ATP11A: variants seen among roughly 807,000 people sequenced by gnomAD.
ATP11A encodes the protein phospholipid-transporting ATPase IH.
Under a neutral mutation model 154.4 loss-of-function variants are expected in ATP11A, and 81 were observed. The observed-to-expected ratio is 0.52, with a 90% CI of 0.44 to 0.63. The LOEUF is 0.63. Among genes scored for constraint, ATP11A ranks in the 30% least tolerant of loss-of-function variants. ATP11A has a pLI of 0.00. For synonymous variants in ATP11A, 623 were observed against 585.9 expected (o/e 1.06, Z -0.91); for missense variants, 1,316 against 1,474.3 (o/e 0.89, Z 1.76).
intron 1 of ATP11A, among the ~76,000 whole-genome samples, chr13:112,775,552 G>T (rs552786649): frequency 1.3e-5 from 2 of 152,118 alleles, no homozygotes; most frequent in African/African-American, 4.8e-5. Flanking sequence ...AGAAGGAGGC[G>T]AATACTTTCA....
chr13:112,878,786 G>A (rs1480900168), intron 29 of ATP11A, among the ~76,000 whole-genome samples: 1 of 152,260 alleles, frequency 6.6e-6, no homozygotes, highest in African/African-American at 2.4e-5. Flanking sequence ...ACTGAGGGCA[G>A]CTAGGATAAC....
chr13:112,810,790 C>T (rs988931011), intron 5 of ATP11A, 64 bp downstream of exon 5: 30 of 1,491,016 alleles, frequency 2.0e-5, no homozygotes, highest in Non-Finnish European at 2.5e-5. Flanking sequence ...ATAAGTTTTA[C>T]CCAGGTGCAG....
At position 112,746,105 on chromosome 13, in the gene ATP11A, C is replaced by T. The variant is rs966735942; in HGVS notation, c.40-39030C>T. 1 of 149,776 alleles carries T rather than the reference C, an allele frequency of 6.7e-6. No homozygotes were observed. Among genetic ancestry groups the T allele is most frequent in the Non-Finnish European group, 1.5e-5 (1 of 68,050 alleles). 9.3% of individuals were successfully genotyped at this position (149,776 alleles called of 1,614,324 possible). ...TCACCTGTGATGGACTCTTGGGCGT[C>T]TGCCGTAGGCCGCTGTGAATGCTGG... On this transcript the variant is annotated intron_variant, in intron 1 of 29. Coordinates refer to ENST00000375645, the MANE Select transcript of ATP11A (RefSeq NM_015205.3). This position sits in a 1 kb window ranked among gnomAD's most constrained non-coding sequence, Gnocchi z 4.1.
Position 112,801,670 on chromosome 13 carries a change from A to G in ATP11A, c.163-3287A>G, listed in dbSNP as rs187937081. ...ACAGTTGGAATTTGAAATTGAAAAC[A>G]ACACTATTTACATTTAACCCCCCCA... On this transcript the variant is annotated intron_variant, in intron 2 of 29. Transcript: ENST00000375645. Among the ~76,000 whole-genome samples the G allele has an allele frequency of 3.6e-3, 552 of 152,364 alleles. 4 individuals are homozygous for G. Among genetic ancestry groups the G allele is most frequent in the African/African-American group, 0.013 (537 of 41,592 alleles).
intron 5 of ATP11A, among the ~76,000 whole-genome samples, chr13:112,812,442 C>CA (rs2078528137): frequency 1.3e-5 from 2 of 152,232 alleles, no homozygotes; most frequent in Non-Finnish European, 2.9e-5. Context: ...GTGAGGGAGG[C>CA]AGGGAGCACC....
chr13:112,852,794 A>G (rs2873374), intron 18 of ATP11A, among the ~76,000 whole-genome samples: 50,498 of 133,578 alleles, frequency 0.38, 11,801 homozygotes, highest in African/African-American at 0.66. Context: ...GCGGGGGGGG[A>G]TCTCAGTGGC....
Position 112,817,840 on chromosome 13 carries a change from G to T in ATP11A, c.571-1464G>T, listed in dbSNP as rs186671616. Among the ~76,000 whole-genome samples the T allele has an allele frequency of 3.9e-3, 590 of 152,294 alleles. 4 individuals carry two copies. The highest frequency in any genetic ancestry group is 0.012 in the African/African-American group (504 of 41,560). Reference sequence around the variant, plus strand: ...TTTTGTGCATTTTGTTTAGCTTGAGGGACTGGAATTATTTGAGCCCTTTCC... The same window carrying T: ...TTTTGTGCATTTTGTTTAGCTTGAGTGACTGGAATTATTTGAGCCCTTTCC... On this transcript the variant is annotated intron_variant, in intron 6 of 29. Transcript: ENST00000375645.
intron 1 of ATP11A, among the ~76,000 whole-genome samples, chr13:112,707,901 CTT>C (rs1379781915): frequency 6.6e-6 from 1 of 152,196 alleles, no homozygotes; most frequent in Non-Finnish European, 1.5e-5. Flanking sequence ...TCCACCACAA[CTT>C]TCTGAATCTC....
chr13:112,736,142 G>A (rs1890983215), intron 1 of ATP11A, among the ~76,000 whole-genome samples: 1 of 152,210 alleles, frequency 6.6e-6, no homozygotes, highest in African/African-American at 2.4e-5. Context: ...AGGGTAGCAT[G>A]GACAGAGGGT....
At chr13:112,749,704 G>A (rs552213884) in intron 1 of ATP11A, among the ~76,000 whole-genome samples, 1 of 151,096 alleles carries the variant, frequency 6.6e-6, no homozygotes, top group South Asian at 2.1e-4. Context: ...GAAGGATGCG[G>A]GGTTGAATCC....
Position 112,824,439 on chromosome 13 carries a change from C to G in ATP11A, c.872+14C>G. The G allele has an allele frequency of 6.2e-7, 1 of 1,611,750 alleles. No individual in the cohort carries two copies. The highest frequency in any genetic ancestry group is 8.5e-7 in the Non-Finnish European group (1 of 1,177,882). ...TGCCGTGGAAAAGTAAGGCTGGATG[C>G]GCGTGAGAACCTGCAACTTAAAAGT... On this transcript the variant is annotated intron_variant, in intron 10 of 29. Coordinates refer to ENST00000375645, the MANE Select transcript of ATP11A (RefSeq NM_015205.3).
chr13:112,861,718 G>A (rs541411866), intron 24 of ATP11A, among the ~76,000 whole-genome samples: 1 of 152,356 alleles, frequency 6.6e-6, no homozygotes, highest in South Asian at 2.1e-4. Flanking sequence ...GATTAAGGAC[G>A]ATGATAAAAA....
intron 2 of ATP11A, among the ~76,000 whole-genome samples, chr13:112,793,768 G>T (rs1267495495): frequency 6.6e-6 from 1 of 152,238 alleles, no homozygotes; most frequent in Admixed American, 6.5e-5. Flanking sequence ...GCTTGTAGGT[G>T]CTCCTGCGGG....
chr13:112,869,063 T>A (rs146139951), intron 25 of ATP11A, among the ~76,000 whole-genome samples: 136 of 151,498 alleles, frequency 9.0e-4, no homozygotes, highest in Non-Finnish European at 1.5e-3. Flanking sequence ...ACGGGGATTA[T>A]AATTTGAGAT....
intron 1 of ATP11A, among the ~76,000 whole-genome samples, chr13:112,722,852 C>A (rs567069510): frequency 6.6e-6 from 1 of 152,280 alleles, no homozygotes; most frequent in Non-Finnish European, 1.5e-5. Context: ...AGACGTAAAT[C>A]AATGAGTGGA....
intron 2 of ATP11A, among the ~76,000 whole-genome samples, chr13:112,793,483 G>A (rs545198158): frequency 3.9e-4 from 59 of 152,348 alleles, no homozygotes; most frequent in African/African-American, 1.3e-3. Flanking sequence ...GTTTACAGAC[G>A]TGAGTCGCCG....
chr13:112,859,078 G>C lies in ATP11A; in HGVS notation c.2668-315G>C, dbSNP rs1206561441. On this transcript the variant is annotated intron_variant, in intron 22 of 29. Transcript: ENST00000375645. The surrounding 1 kb of genome is among the most constrained non-coding windows in gnomAD (Gnocchi z 4.3). ...GAGAACCTTTCAGGTGGAAATGTTT[G>C]AGGAAGGATTCCTTATTCACTGTGC... 2 of 306,966 alleles carry C rather than the reference G, an allele frequency of 6.5e-6. No homozygotes were observed. The highest frequency in any genetic ancestry group is 4.4e-5 in the African/African-American group (2 of 45,502). 19.0% of individuals were successfully genotyped at this position (306,966 alleles called of 1,614,324 possible).
At chr13:112,780,295 G>C (rs535867700) in intron 1 of ATP11A, among the ~76,000 whole-genome samples, 2 of 151,880 alleles carry the variant, frequency 1.3e-5, no homozygotes, top group Admixed American at 6.6e-5. Flanking sequence ...AGTCAGAGGC[G>C]GTCGGCAGCC....
intron 5 of ATP11A, among the ~76,000 whole-genome samples, chr13:112,812,353 T>C (rs1418736207): frequency 6.6e-6 from 1 of 152,152 alleles, no homozygotes; most frequent in Admixed American, 6.5e-5. Context: ...CCTGGCTCTT[T>C]CCAACTCCCA....
Sources: gnomAD v4.1 joint callset for allele counts (sites outside exome capture counted in the v4.1 genomes callset) on GRCh38, gnomAD v4.1.1 for gene constraint, Gnocchi (gnomAD v3.1) non-coding constraint, MANE v1.5 for transcripts, NCBI Gene and HGNC (gene_info 2026-07-23, HGNC 2026-07-21) for gene names.